The following FAM114A2 variants were observed in gnomAD, a reference collection of about 807,000 sequenced individuals.
FAM114A2 encodes protein FAM114A2.
In FAM114A2, 53 loss-of-function variants were observed where a neutral mutation model predicts 58.4. The observed-to-expected ratio is 0.91, with a 90% CI of 0.73 to 1.14. The LOEUF (loss-of-function observed/expected upper bound fraction) is 1.14, where lower values mean the gene tolerates loss of function less well. Among genes scored for constraint, FAM114A2 ranks in the 50% most tolerant of loss-of-function variants. FAM114A2 has a pLI of 0.00. For missense variants in FAM114A2, 601 were observed against 581.1 expected, an observed-to-expected ratio of 1.03 and a Z score of -0.35; for synonymous variants, 228 against 211.4, an observed-to-expected ratio of 1.08 and a Z score of -0.68.
At chr5:153,997,535 C>T (rs954884745) in intron 12 of FAM114A2, among the ~76,000 whole-genome samples, 1 of 152,036 alleles carries the variant, frequency 6.6e-6, no homozygotes, top group African/African-American at 2.4e-5. Flanking sequence ...AGATGCAAAG[C>T]AGCCAAATCT....
intron 7 of FAM114A2, 36 bp from the exon 8 acceptor site, chr5:154,026,558 T>A: frequency 2.2e-6 from 3 of 1,384,824 alleles, no homozygotes; most frequent in Non-Finnish European, 2.8e-6. Flanking sequence ...TGTAGGAGTA[T>A]GAAAGAAAAG....
intron 12 of FAM114A2, among the ~76,000 whole-genome samples, chr5:153,997,544 C>T (rs1284459718): frequency 6.6e-6 from 1 of 152,040 alleles, no homozygotes; most frequent in African/African-American, 2.4e-5. Flanking sequence ...GCAGCCAAAT[C>T]TATAGAGAAA....
chr5:154,002,799 T>C, intron 10 of FAM114A2, 48 bp downstream of exon 10: 1 of 1,607,888 alleles, frequency 6.2e-7, no homozygotes, highest in Non-Finnish European at 8.5e-7. Flanking sequence ...TTGTGACACA[T>C]TTCAAATCTA....
Position 153,997,884 on chromosome 5 carries a change from G to T in FAM114A2, c.1257-9C>A. ...ACAACACAATTGTCATCCTAGGAAA[G>T]AAAGGAAAAGTCAGAAACGTTTTTT... is the stretch of plus-strand genomic sequence containing the variant. On this transcript the variant is annotated splice_polypyrimidine_tract_variant and intron_variant, in intron 11 of 13. Transcript: ENST00000351797. 2 of 1,549,188 alleles carry T rather than the reference G, an allele frequency of 1.3e-6. No individual in the cohort carries two copies. The highest frequency in any genetic ancestry group is 1.8e-6 in the Non-Finnish European group (2 of 1,132,266).
At chr5:154,028,094 C>T in intron 6 of FAM114A2, 55 bp downstream of exon 6, 1 of 1,462,080 alleles carries the variant, frequency 6.8e-7, no homozygotes. Context: ...TAAACAAAGG[C>T]AAAAATACAG....
intron 11 of FAM114A2, among the ~76,000 whole-genome samples, chr5:154,002,008 A>C (rs891016939): frequency 2.0e-5 from 3 of 152,208 alleles, no homozygotes; most frequent in Non-Finnish European, 2.9e-5. Flanking sequence ...CATTCCTATT[A>C]AAACTTATCT....
chr5:154,007,785 G>A (rs1183798557), intron 9 of FAM114A2, among the ~76,000 whole-genome samples: 1 of 152,144 alleles, frequency 6.6e-6, no homozygotes. Flanking sequence ...GTCTTCTGTG[G>A]AGCCATCAAC....
intron 11 of FAM114A2, among the ~76,000 whole-genome samples, chr5:154,001,418 T>A (rs1340312764): frequency 1.3e-5 from 2 of 152,150 alleles, no homozygotes. Context: ...ATAGCCTCTT[T>A]TCCGCAGAAC....
chr5:153,996,807 G>A (rs1769590559), intron 12 of FAM114A2, among the ~76,000 whole-genome samples: 1 of 151,762 alleles, frequency 6.6e-6, no homozygotes, highest in Non-Finnish European at 1.5e-5. Context: ...GACCAGCTTG[G>A]CCAACATGGT....
At chr5:154,032,062 C>G (rs2113493268) in intron 4 of FAM114A2, among the ~76,000 whole-genome samples, 1 of 152,338 alleles carries the variant, frequency 6.6e-6, no homozygotes, top group Admixed American at 6.5e-5. Flanking sequence ...TCTGCTCTTT[C>G]CTTTTACACG....
Position 154,034,391 on chromosome 5 carries a change from A to G in FAM114A2, c.211-14T>C, listed in dbSNP as rs773131433. On this transcript the variant is annotated splice_polypyrimidine_tract_variant and intron_variant, in intron 2 of 13. Transcript: ENST00000351797. ...GGAAACATTATCCTAATTTCCCAGT[A>G]GGCAGAAAAACAAAAGGCAAAGAAA... 5 of 1,492,674 alleles carry G rather than the reference A, an allele frequency of 3.3e-6. No individual in the cohort carries two copies. Among genetic ancestry groups the G allele is most frequent in the Non-Finnish European group, 4.5e-6 (5 of 1,099,968 alleles). 92.5% of individuals were successfully genotyped at this position (1,492,674 alleles called of 1,614,324 possible).
chr5:153,997,936 T>C, intron 11 of FAM114A2, 61 bp from the exon 12 acceptor site: 1 of 1,019,582 alleles, frequency 9.8e-7, no homozygotes, highest in Non-Finnish European at 1.5e-6. Context: ...AAGTTATATT[T>C]AACAATTGTC....
At chr5:154,006,420 A>G (rs1022149412) in intron 9 of FAM114A2, among the ~76,000 whole-genome samples, 3 of 152,218 alleles carry the variant, frequency 2.0e-5, no homozygotes, top group Non-Finnish European at 4.4e-5. Context: ...GTTATGTTTC[A>G]GCTGAAATCT....
At chr5:154,006,442 CCATA>C (rs1475299375) in intron 9 of FAM114A2, among the ~76,000 whole-genome samples, 8 of 152,010 alleles carry the variant, frequency 5.3e-5, no homozygotes, top group African/African-American at 1.9e-4. Context: ...AAGGAATTGG[CCATA>C]CAAATAGTTA....
intron 9 of FAM114A2, among the ~76,000 whole-genome samples, chr5:154,005,805 G>A (rs538098777): frequency 3.6e-4 from 55 of 152,336 alleles, no homozygotes; most frequent in Admixed American, 1.2e-3. Context: ...TACACAGAAT[G>A]TGTTCAAAGC....
At position 154,002,403 on chromosome 5, in the gene FAM114A2, A is replaced by G; in HGVS notation, c.1117-13T>C. 1 of 1,612,316 alleles carries G rather than the reference A, an allele frequency of 6.2e-7. No individual in the cohort carries two copies. The highest frequency in any genetic ancestry group is 1.1e-5 in the South Asian group (1 of 91,018). ...ACGCATGGATATCCTGGATGGAAAA[A>G]CAAAACAAAGCATAGCAAAACAAAA... On this transcript the variant is annotated splice_polypyrimidine_tract_variant and intron_variant, in intron 10 of 13. Coordinates refer to ENST00000351797, the MANE Select transcript of FAM114A2 (RefSeq NM_018691.4).
At chr5:154,022,306 G>C (rs1771471377) in intron 8 of FAM114A2, among the ~76,000 whole-genome samples, 1 of 152,206 alleles carries the variant, frequency 6.6e-6, no homozygotes, top group Admixed American at 6.5e-5. Context: ...AAACTAAAGA[G>C]CTTCTGCACA....
intron 6 of FAM114A2, among the ~76,000 whole-genome samples, chr5:154,027,702 T>C (rs1307273314): frequency 6.6e-6 from 1 of 152,186 alleles, no homozygotes; most frequent in African/African-American, 2.4e-5. Context: ...GGTTTCATCA[T>C]GTTGGTCAGG....
intron 11 of FAM114A2, 28 bp downstream of exon 11, chr5:154,002,223 C>A: frequency 1.3e-6 from 2 of 1,599,978 alleles, no homozygotes; most frequent in Non-Finnish European, 1.7e-6. Flanking sequence ...CAATTTGCAT[C>A]ATTTAGAGGA....
Sources: allele counts gnomAD v4.1 joint callset (sites outside exome capture counted in the v4.1 genomes callset), GRCh38; gene constraint gnomAD v4.1.1; transcripts MANE v1.5; gene names NCBI Gene and HGNC (gene_info 2026-07-23, HGNC 2026-07-21).